The following HNF1B variants were observed in gnomAD, a reference collection of about 807,000 sequenced individuals.
HNF1B encodes HNF1 homeobox B, also known as hepatocyte nuclear factor 1-beta.
In HNF1B, 8 loss-of-function variants were observed where a neutral mutation model predicts 61.7. The observed-to-expected ratio is 0.13, with a 90% CI of 0.08 to 0.23. The LOEUF (loss-of-function observed/expected upper bound fraction) is 0.23. Among genes scored for constraint, HNF1B ranks in the 10% least tolerant of loss-of-function variants. The pLI, the probability that HNF1B is intolerant of heterozygous loss-of-function variation, is 1.00. For synonymous variants in HNF1B, 314 were observed against 287.7 expected, an observed-to-expected ratio of 1.09 and a Z score of -0.93; for missense variants, 562 against 714.5, an observed-to-expected ratio of 0.79 and a Z score of 2.43.
chr17:37,714,010 G>A (rs2033023170), intron 4 of HNF1B, among the ~76,000 whole-genome samples: 1 of 152,238 alleles, frequency 6.6e-6, no homozygotes, highest in African/African-American at 2.4e-5. Flanking sequence ...TAAGTGCAAA[G>A]TGTGTAGGCT....
intron 5 of HNF1B, among the ~76,000 whole-genome samples, chr17:37,706,120 G>A (rs951381456): frequency 6.6e-6 from 1 of 152,006 alleles, no homozygotes; most frequent in Admixed American, 6.6e-5. Context: ...CACCACGCCT[G>A]GCTGATTTTT....
chr17:37,699,303 G>T, intron 7 of HNF1B, 109 bp from the exon 8 acceptor site: 3 of 845,512 alleles, frequency 3.5e-6, no homozygotes, highest in Admixed American at 3.5e-5. Flanking sequence ...AGATAAAAGG[G>T]CTGGTGGTTA....
chr17:37,742,784 C>T (rs1310010346), intron 1 of HNF1B, among the ~76,000 whole-genome samples: 1 of 151,424 alleles, frequency 6.6e-6, no homozygotes, highest in Non-Finnish European at 1.5e-5. Context: ...CCCGGGGGCT[C>T]CGCGGGCGGC....
chr17:37,690,380 G>A (rs1312074878), intron 8 of HNF1B, among the ~76,000 whole-genome samples: 2 of 152,192 alleles, frequency 1.3e-5, no homozygotes, highest in Non-Finnish European at 2.9e-5. Context: ...TAGTTTGGTT[G>A]TGATGGAAAG....
chr17:37,700,855 G>A lies in HNF1B; in HGVS notation c.1534+128C>T, dbSNP rs576805249. ...TTATGCTTGAGAAATTGTCTTAGTC[G>A]GTTGATCATAGGCAGGGAAAAGTGA... On this transcript the variant is annotated intron_variant, in intron 7 of 8. Transcript: ENST00000617811. The A allele has an allele frequency of 3.7e-6, 3 of 816,880 alleles. No homozygotes were observed. The African/African-American group carries it at 5.1e-5, about 14-fold the overall frequency. The allele number at this position is 816,880 out of a possible 1,614,324, so 50.6% of individuals were successfully genotyped here. A position where few individuals can be genotyped will look rare whatever the true frequency, so the allele number is the denominator to read the frequency against.
chr17:37,703,826 C>T (rs956096009), intron 6 of HNF1B, among the ~76,000 whole-genome samples: 2 of 152,158 alleles, frequency 1.3e-5, no homozygotes, highest in African/African-American at 4.8e-5. Context: ...CCTGTTCTGA[C>T]CTCAAAGGAT....
At chr17:37,728,183 G>A (rs2033566552) in intron 4 of HNF1B, among the ~76,000 whole-genome samples, 1 of 151,004 alleles carries the variant, frequency 6.6e-6, no homozygotes, top group Admixed American at 6.6e-5. Flanking sequence ...TGTGTTTTTA[G>A]TAGAGATGGG....
At chr17:37,691,456 A>C (rs1229000896) in intron 8 of HNF1B, among the ~76,000 whole-genome samples, 2 of 152,124 alleles carry the variant, frequency 1.3e-5, no homozygotes, top group Non-Finnish European at 2.9e-5. Flanking sequence ...CACTTCTTTC[A>C]ACCCCCTCAA....
chr17:37,731,635 G>C lies in HNF1B; in HGVS notation c.1005C>G (p.Pro335=), dbSNP rs778320577. 9 of 1,614,012 alleles carry C rather than the reference G, an allele frequency of 5.6e-6. No homozygotes were observed. The highest frequency in any genetic ancestry group is 1.7e-5 in the Admixed American group (1 of 60,012). ...GAGGAGAGGAGCTGGGCTGGTGGTGGGGGGAGCCGTGGGAGAGCAGAGGGT... is the reference window on the plus strand; with the variant it reads ...GAGGAGAGGAGCTGGGCTGGTGGTGCGGGGAGCCGTGGGAGAGCAGAGGGT... ...SLNPLLSHGS[P]HHQPSSSPPN... Residue 335 remains proline, a synonymous_variant, in exon 4 of 9, where the codon CCC becomes CCG. Coordinates refer to ENST00000617811, the MANE Select transcript of HNF1B (RefSeq NM_000458.4).
chr17:37,712,070 T>C (rs1329269754), intron 4 of HNF1B, among the ~76,000 whole-genome samples: 2 of 152,236 alleles, frequency 1.3e-5, no homozygotes, highest in Non-Finnish European at 2.9e-5. Flanking sequence ...CGATATGACC[T>C]AGAGCTTAAG....
At chr17:37,696,667 T>C (rs1341886844) in intron 8 of HNF1B, among the ~76,000 whole-genome samples, 2 of 152,232 alleles carry the variant, frequency 1.3e-5, no homozygotes, top group African/African-American at 2.4e-5. Flanking sequence ...TATTTCTTTA[T>C]AGCGAAGCAA....
intron 6 of HNF1B, among the ~76,000 whole-genome samples, chr17:37,702,378 CAG>C (rs1411719337): frequency 6.6e-6 from 1 of 152,140 alleles, no homozygotes; most frequent in Non-Finnish European, 1.5e-5. Context: ...GCAGAAAGGA[CAG>C]GGGATGAATC....
chr17:37,712,665 T>G (rs1427660141), intron 4 of HNF1B, among the ~76,000 whole-genome samples: 1 of 152,162 alleles, frequency 6.6e-6, no homozygotes, highest in Non-Finnish European at 1.5e-5. Context: ...CGAAACCAAC[T>G]CAGGTTCAAA....
chr17:37,741,931 C>T (rs865939353), intron 1 of HNF1B, among the ~76,000 whole-genome samples: 10 of 152,222 alleles, frequency 6.6e-5, no homozygotes, highest in African/African-American at 2.4e-4. Flanking sequence ...GTTATACCTT[C>T]ACAACCCTCT....
chr17:37,722,633 AGTCCT>A (rs2033354014), intron 4 of HNF1B, among the ~76,000 whole-genome samples: 1 of 152,204 alleles, frequency 6.6e-6, no homozygotes, highest in Non-Finnish European at 1.5e-5. Flanking sequence ...GCAGAGTACA[AGTCCT>A]GAGAAAACTG....
At chr17:37,692,054 G>A (rs1464670630) in intron 8 of HNF1B, among the ~76,000 whole-genome samples, 2 of 152,234 alleles carry the variant, frequency 1.3e-5, no homozygotes, top group Non-Finnish European at 2.9e-5. Context: ...CAGACTAGCG[G>A]GGCATTGTTG....
At chr17:37,704,172 C>T (rs1000732035) in intron 6 of HNF1B, among the ~76,000 whole-genome samples, 3 of 152,244 alleles carry the variant, frequency 2.0e-5, no homozygotes, top group Admixed American at 6.5e-5. Flanking sequence ...GAGATATCCA[C>T]AACCACAGTT....
At chr17:37,731,937 G>A (rs1178667086) in intron 3 of HNF1B, 107 bp from the exon 4 acceptor site, 2 of 742,212 alleles carry the variant, frequency 2.7e-6, no homozygotes, top group East Asian at 5.0e-5. Flanking sequence ...AGTATGAAGG[G>A]GCCGTGGGCA....
intron 4 of HNF1B, among the ~76,000 whole-genome samples, chr17:37,716,169 G>A (rs141954061): frequency 1.3e-4 from 20 of 152,238 alleles, no homozygotes; most frequent in Non-Finnish European, 2.4e-4. Flanking sequence ...AAAATGTGTC[G>A]CTGAGGAAGT....
Sources: gnomAD v4.1 joint callset for allele counts (sites outside exome capture counted in the v4.1 genomes callset) on GRCh38, gnomAD v4.1.1 for gene constraint, MANE v1.5 for transcripts, NCBI Gene and HGNC (gene_info 2026-07-23, HGNC 2026-07-21) for gene names.